Variants in KSR2 observed in about 807,000 individuals in gnomAD.
KSR2 encodes the protein kinase suppressor of ras 2.
Under a neutral mutation model 107.8 loss-of-function variants are expected in KSR2, and 25 were observed. That is an observed-to-expected ratio of 0.23 (90% CI 0.17 to 0.32). The LOEUF (loss-of-function observed/expected upper bound fraction) is 0.32, where lower values mean the gene tolerates loss of function less well. Ranked by LOEUF, KSR2 falls within the 10% of genes least tolerant of loss-of-function variation. The pLI is 1.00. For missense variants in KSR2, 887 were observed against 1,268.9 expected, an observed-to-expected ratio of 0.70 and a Z score of 4.57; for synonymous variants, 480 against 507.0, an observed-to-expected ratio of 0.95 and a Z score of 0.71.
chr12:117,803,595 C>T (rs922452409), intron 3 of KSR2, among the ~76,000 whole-genome samples: 12 of 152,004 alleles, frequency 7.9e-5, no homozygotes, highest in African/African-American at 2.2e-4. Flanking sequence ...CCCAGCTACT[C>T]GGTAGGCTGA....
intron 4 of KSR2, among the ~76,000 whole-genome samples, chr12:117,688,839 A>G (rs1460831567): frequency 6.6e-6 from 1 of 152,236 alleles, no homozygotes; most frequent in Non-Finnish European, 1.5e-5. Flanking sequence ...CCCCACTGGA[A>G]AAGCCCATAG....
chr12:117,478,890 C>T (rs567882871), intron 16 of KSR2, among the ~76,000 whole-genome samples: 6 of 152,330 alleles, frequency 3.9e-5, no homozygotes, highest in African/African-American at 1.4e-4. Context: ...CAATAGGTCA[C>T]TCTGTAGTGT....
chr12:117,605,339 A>G (rs1881167138), intron 5 of KSR2, among the ~76,000 whole-genome samples: 1 of 152,236 alleles, frequency 6.6e-6, no homozygotes, highest in Admixed American at 6.5e-5. Context: ...TCCAACCTCA[A>G]CAGGAGGGAG....
intron 3 of KSR2, among the ~76,000 whole-genome samples, chr12:117,801,397 G>A (rs1272849095): frequency 6.6e-6 from 1 of 151,766 alleles, no homozygotes; most frequent in East Asian, 1.9e-4. Flanking sequence ...CCAAAGTGCT[G>A]GGATTACTGG....
intron 4 of KSR2, among the ~76,000 whole-genome samples, chr12:117,713,153 AAGAT>A (rs992492565): frequency 1.3e-5 from 2 of 150,956 alleles, no homozygotes; most frequent in African/African-American, 4.9e-5. Flanking sequence ...TAAAAGATAG[AAGAT>A]AGATATAGAT....
intron 3 of KSR2, among the ~76,000 whole-genome samples, chr12:117,804,353 T>C (rs942583771): frequency 2.0e-5 from 3 of 152,216 alleles, no homozygotes; most frequent in Non-Finnish European, 4.4e-5. Context: ...ATTTATTGTC[T>C]ATACCTGATT....
intron 4 of KSR2, among the ~76,000 whole-genome samples, chr12:117,744,171 T>C (rs1475686700): frequency 6.6e-6 from 1 of 152,110 alleles, no homozygotes; most frequent in East Asian, 1.9e-4. Context: ...CTCTGCTGCT[T>C]GAAAAGTTGC....
intron 4 of KSR2, among the ~76,000 whole-genome samples, chr12:117,745,612 A>T (rs1888378775): frequency 1.3e-5 from 2 of 152,224 alleles, no homozygotes; most frequent in South Asian, 4.1e-4. Flanking sequence ...AATAAAGGGT[A>T]TTCAAATAGG....
intron 9 of KSR2, among the ~76,000 whole-genome samples, chr12:117,542,748 A>G (rs759750742): frequency 2.0e-5 from 3 of 152,112 alleles, no homozygotes; most frequent in African/African-American, 7.2e-5. Flanking sequence ...CTCAACCTCA[A>G]TCCCAAGTAG....
chr12:117,590,504 G>A (rs574201552), intron 5 of KSR2, among the ~76,000 whole-genome samples: 5 of 152,308 alleles, frequency 3.3e-5, no homozygotes, highest in Admixed American at 2.6e-4. Context: ...ATTAAGTGGG[G>A]TGATATAATT....
chr12:117,490,583 A>C (rs559407980), intron 14 of KSR2, among the ~76,000 whole-genome samples: 1 of 152,232 alleles, frequency 6.6e-6, no homozygotes, highest in South Asian at 2.1e-4. Flanking sequence ...TTTCTTTGAG[A>C]TGGGGTCTCA....
intron 1 of KSR2, among the ~76,000 whole-genome samples, chr12:117,956,093 A>G (rs1282046918): frequency 2.6e-5 from 4 of 151,506 alleles, no homozygotes; most frequent in Non-Finnish European, 5.9e-5. Context: ...TACTAAAAAT[A>G]CAAAAAATTA....
intron 5 of KSR2, among the ~76,000 whole-genome samples, chr12:117,663,745 T>A (rs1027921332): frequency 6.6e-6 from 1 of 152,204 alleles, no homozygotes; most frequent in African/African-American, 2.4e-5. Context: ...ATTCCTTCCA[T>A]CTAGGTGGCA....
intron 14 of KSR2, among the ~76,000 whole-genome samples, chr12:117,500,083 G>A (rs1006926278): frequency 6.6e-6 from 1 of 152,190 alleles, no homozygotes; most frequent in South Asian, 2.1e-4. Flanking sequence ...AGGGGAGGCT[G>A]GGAAGTTATC....
chr12:117,850,900 A>G (rs993954479), intron 3 of KSR2, among the ~76,000 whole-genome samples: 1 of 152,166 alleles, frequency 6.6e-6, no homozygotes, highest in Non-Finnish European at 1.5e-5. Flanking sequence ...AACAAGTATG[A>G]TCCCTGCCCT....
intron 5 of KSR2, among the ~76,000 whole-genome samples, chr12:117,599,210 G>A (rs2136286776): frequency 6.6e-6 from 1 of 152,254 alleles, no homozygotes. Context: ...AAACACGATA[G>A]GGATTGAGAA....
chr12:117,739,361 A>G (rs1888084413), intron 4 of KSR2, among the ~76,000 whole-genome samples: 1 of 152,230 alleles, frequency 6.6e-6, no homozygotes, highest in African/African-American at 2.4e-5. Context: ...CCTCAAAAAT[A>G]TAATTGAATA....
intron 3 of KSR2, among the ~76,000 whole-genome samples, chr12:117,838,190 C>T (rs901891977): frequency 2.0e-5 from 3 of 152,210 alleles, no homozygotes; most frequent in African/African-American, 4.8e-5. Flanking sequence ...GTTTTTGAGA[C>T]GGAGTCTCGC....
intron 14 of KSR2, among the ~76,000 whole-genome samples, chr12:117,508,039 C>T (rs958470288): frequency 4.6e-5 from 7 of 150,862 alleles, no homozygotes; most frequent in Non-Finnish European, 1.0e-4. Context: ...CCTTGGGTTC[C>T]ACAAAAGTTA....
Sources: allele counts gnomAD v4.1 joint callset (sites outside exome capture counted in the v4.1 genomes callset), GRCh38; gene constraint gnomAD v4.1.1; transcripts MANE v1.5; gene names NCBI Gene and HGNC (gene_info 2026-07-23, HGNC 2026-07-21).